The following PLXDC2 variants were observed in gnomAD, a reference collection of about 807,000 sequenced individuals.
PLXDC2 encodes plexin domain containing 2, also known as plexin domain-containing protein 2.
PLXDC2 carries 40 observed loss-of-function variants against 68.9 expected under a neutral mutation model. The ratio of observed to expected loss-of-function variants is 0.58; its 90% CI spans 0.45 to 0.76. The LOEUF (loss-of-function observed/expected upper bound fraction) is 0.76, where lower values mean the gene tolerates loss of function less well. Among genes scored for constraint, PLXDC2 ranks in the 30% least tolerant of loss-of-function variants. The probability of loss-of-function intolerance (pLI) is 0.00; values close to 1 mark genes in which losing one functional copy is unlikely to be tolerated. For missense variants in PLXDC2, 644 were observed against 661.9 expected, an observed-to-expected ratio of 0.97 and a Z score of 0.30; for synonymous variants, 243 against 234.2, an observed-to-expected ratio of 1.04 and a Z score of -0.34.
chr10:19,892,846 A>C (rs1459514807), intron 1 of PLXDC2, among the ~76,000 whole-genome samples: 1 of 152,010 alleles, frequency 6.6e-6, no homozygotes, highest in East Asian at 1.9e-4. Context: ...AACCCTTAGT[A>C]TACAGTACGA....
At chr10:20,160,278 T>C (rs956215970) in intron 6 of PLXDC2, among the ~76,000 whole-genome samples, 3 of 152,140 alleles carry the variant, frequency 2.0e-5, no homozygotes, top group Non-Finnish European at 4.4e-5. Flanking sequence ...TAGAGTTATA[T>C]GGTAGTGGTG....
intron 4 of PLXDC2, among the ~76,000 whole-genome samples, chr10:20,079,746 A>T (rs530211609): frequency 8.2e-4 from 125 of 152,278 alleles, no homozygotes; most frequent in African/African-American, 2.9e-3. Context: ...GAACACATGG[A>T]CACAGGGAGG....
At chr10:20,117,518 C>T (rs368144809) in intron 4 of PLXDC2, among the ~76,000 whole-genome samples, 4 of 152,218 alleles carry the variant, frequency 2.6e-5, no homozygotes, top group South Asian at 4.1e-4. Context: ...ACTCTTGATT[C>T]GCCAGGTCTA....
intron 1 of PLXDC2, among the ~76,000 whole-genome samples, chr10:19,865,961 A>G (rs1837406781): frequency 6.6e-6 from 1 of 152,258 alleles, no homozygotes; most frequent in African/African-American, 2.4e-5. Flanking sequence ...AGATTCTTAT[A>G]TGCTTCTGCT....
intron 9 of PLXDC2, among the ~76,000 whole-genome samples, chr10:20,206,169 A>G (rs1267236550): frequency 6.6e-6 from 1 of 152,082 alleles, no homozygotes; most frequent in Non-Finnish European, 1.5e-5. Flanking sequence ...TCAACATGCA[A>G]TACAATCATT....
At chr10:19,901,527 TG>T (rs1838161094) in intron 1 of PLXDC2, among the ~76,000 whole-genome samples, 1 of 152,212 alleles carries the variant, frequency 6.6e-6, no homozygotes, top group Non-Finnish European at 1.5e-5. Flanking sequence ...TGGGATCATT[TG>T]TTTTTTTCTT....
At chr10:19,908,693 A>T (rs752518335) in intron 1 of PLXDC2, among the ~76,000 whole-genome samples, 3 of 152,110 alleles carry the variant, frequency 2.0e-5, no homozygotes, top group Non-Finnish European at 4.4e-5. Flanking sequence ...GCTATGGCTT[A>T]CCTGACAATA....
intron 13 of PLXDC2, among the ~76,000 whole-genome samples, chr10:20,258,479 C>T (rs1219068550): frequency 6.6e-6 from 1 of 152,166 alleles, no homozygotes; most frequent in African/African-American, 2.4e-5. Context: ...TTTACCTTCA[C>T]ATTTTTTCCT....
intron 2 of PLXDC2, among the ~76,000 whole-genome samples, chr10:20,024,525 A>G (rs990454675): frequency 2.6e-5 from 4 of 152,214 alleles, no homozygotes; most frequent in African/African-American, 9.6e-5. Flanking sequence ...CTCTGGAGTA[A>G]TAAACTTTTT....
intron 9 of PLXDC2, among the ~76,000 whole-genome samples, chr10:20,197,597 CCA>C (rs1834857078): frequency 6.6e-6 from 1 of 152,102 alleles, no homozygotes; most frequent in Non-Finnish European, 1.5e-5. Context: ...ACCTCGTGAT[CCA>C]CCCACCTTGG....
chr10:19,868,649 GACC>G (rs1364754189), intron 1 of PLXDC2, among the ~76,000 whole-genome samples: 2 of 152,140 alleles, frequency 1.3e-5, no homozygotes, highest in Non-Finnish European at 2.9e-5. Context: ...AGTAGGTAGA[GACC>G]ACTACTAGTG....
At chr10:19,897,465 G>A (rs189934062) in intron 1 of PLXDC2, among the ~76,000 whole-genome samples, 3 of 151,812 alleles carry the variant, frequency 2.0e-5, no homozygotes, top group East Asian at 3.9e-4. Context: ...GGCTGGTCTC[G>A]AACTCCCAAC....
chr10:19,879,177 T>C (rs1430596426), intron 1 of PLXDC2, among the ~76,000 whole-genome samples: 1 of 152,126 alleles, frequency 6.6e-6, no homozygotes, highest in Admixed American at 6.6e-5. Context: ...AATGATAGGA[T>C]AGGTAATTAA....
chr10:19,817,857 G>A (rs945373766), intron 1 of PLXDC2, among the ~76,000 whole-genome samples: 6 of 152,184 alleles, frequency 3.9e-5, no homozygotes, highest in Admixed American at 6.5e-5. Flanking sequence ...AGGCCTGAAC[G>A]CGCAGAGAGT....
At chr10:19,879,666 A>G (rs1277621928) in intron 1 of PLXDC2, among the ~76,000 whole-genome samples, 2 of 152,218 alleles carry the variant, frequency 1.3e-5, no homozygotes. Flanking sequence ...AAAATGCAGT[A>G]AAAGTATGTT....
chr10:20,254,538 AAACTC>A (rs1253377845), intron 13 of PLXDC2, among the ~76,000 whole-genome samples: 2 of 152,196 alleles, frequency 1.3e-5, no homozygotes, highest in Admixed American at 1.3e-4. Flanking sequence ...GTTTTAAAGA[AAACTC>A]AAGGGGAAAA....
At chr10:19,872,680 C>T (rs1226958146) in intron 1 of PLXDC2, among the ~76,000 whole-genome samples, 4 of 151,962 alleles carry the variant, frequency 2.6e-5, no homozygotes, top group Admixed American at 6.6e-5. Flanking sequence ...CCGGGTGGGG[C>T]TCAGGGGAAC....
chr10:19,966,333 T>C (rs564403087), intron 1 of PLXDC2, among the ~76,000 whole-genome samples: 1 of 130,312 alleles, frequency 7.7e-6, no homozygotes, highest in Non-Finnish European at 1.6e-5. Context: ...TATGTATATG[T>C]ACACATATAT....
rs976940279 is a variant in PLXDC2 at position 20,101,793 on chromosome 10, A to G, written c.541+33554A>G. On this transcript the variant is annotated intron_variant, in intron 4 of 13. Coordinates refer to ENST00000377252, the MANE Select transcript of PLXDC2 (RefSeq NM_032812.9). Reference sequence around the variant, plus strand: ...GTGACAATATCTTGTTTTTTTACCAAACTTTTTTTTTTAATTGTTTTTGAG... The same window carrying G: ...GTGACAATATCTTGTTTTTTTACCAGACTTTTTTTTTTAATTGTTTTTGAG... Among the ~76,000 whole-genome samples the G allele has an allele frequency of 3.6e-5, 3 of 83,288 alleles. 1 individual carries two copies. The Admixed American group carries it at 3.7e-4, about 10-fold the overall frequency. The allele number at this position is 83,288 out of a possible 152,430, so 54.6% of individuals were successfully genotyped here. A position where few individuals can be genotyped will look rare whatever the true frequency, so the allele number is the denominator to read the frequency against.
Sources: allele counts gnomAD v4.1 joint callset (sites outside exome capture counted in the v4.1 genomes callset), GRCh38; gene constraint gnomAD v4.1.1; transcripts MANE v1.5; gene names NCBI Gene and HGNC (gene_info 2026-07-23, HGNC 2026-07-21).